SLC30A10: variants seen among roughly 807,000 people sequenced by gnomAD.
SLC30A10 encodes the protein calcium/manganese antiporter SLC30A10.
SLC30A10 carries 8 observed loss-of-function variants against 21.7 expected under a neutral mutation model. That is an observed-to-expected ratio of 0.37 (90% CI 0.22 to 0.67). The LOEUF is 0.67. SLC30A10 is among the 30% of genes least tolerant of loss of function. SLC30A10 has a pLI of 0.58. For synonymous variants in SLC30A10, 272 were observed against 279.4 expected, an observed-to-expected ratio of 0.97 and a Z score of 0.26; for missense variants, 521 against 642.5, an observed-to-expected ratio of 0.81 and a Z score of 2.04.
intron 1 of SLC30A10, among the ~76,000 whole-genome samples, chr1:219,947,181 C>T (rs937943183): frequency 2.6e-5 from 4 of 152,268 alleles, no homozygotes; most frequent in South Asian, 2.1e-4. Flanking sequence ...TAAGCTGATA[C>T]ATTTTTAAAG....
At chr1:219,940,929 G>T (rs551205791) in intron 1 of SLC30A10, among the ~76,000 whole-genome samples, 40 of 152,238 alleles carry the variant, frequency 2.6e-4, no homozygotes, top group African/African-American at 9.4e-4. Flanking sequence ...ATAAAACCCT[G>T]ACTTCATTTC....
At chr1:219,922,687 G>A (rs1291211041) in intron 2 of SLC30A10, among the ~76,000 whole-genome samples, 1 of 152,140 alleles carries the variant, frequency 6.6e-6, no homozygotes. Context: ...CTCCCTCAGA[G>A]GCTAGTTCTG....
rs767055908 is a variant in SLC30A10, at chr1:219,928,026, C to A, written c.415G>T (p.Ala139Ser). Residue 139 changes from alanine to serine, a missense_variant, in exon 1 of 4, where the codon GCC becomes TCC. Coordinates refer to ENST00000366926, the MANE Select transcript of SLC30A10 (RefSeq NM_018713.3). This position sits in a 1 kb window ranked among gnomAD's most constrained non-coding sequence, Gnocchi z 6.3. The part of the protein sequence containing the change: ...VGLLIFQDCA[A>S]WFACCLRGRS... ...CCCCGGAGGCAGCACGCGAACCAGGCGGCGCAGTCCTGGAAGATGAGCAGC... is the reference window on the plus strand; with the variant it reads ...CCCCGGAGGCAGCACGCGAACCAGGAGGCGCAGTCCTGGAAGATGAGCAGC... The A allele has an allele frequency of 1.7e-5, 27 of 1,576,896 alleles. No homozygotes were observed. The highest frequency in any genetic ancestry group is 1.2e-4 in the South Asian group (10 of 85,864).
At chr1:219,951,270 T>G (rs891839977) in intron 1 of SLC30A10, among the ~76,000 whole-genome samples, 1 of 151,204 alleles carries the variant, frequency 6.6e-6, no homozygotes, top group African/African-American at 2.4e-5. Context: ...TGTAGAGTGA[T>G]TCTTTAAAAT....
chr1:219,920,822 C>A (rs1045081158), intron 2 of SLC30A10, among the ~76,000 whole-genome samples: 2 of 152,190 alleles, frequency 1.3e-5, no homozygotes, highest in Non-Finnish European at 2.9e-5. Context: ...TGACAGGCAG[C>A]TGTAAGCTGT....
chr1:219,946,170 T>C (rs764706579), intron 1 of SLC30A10, among the ~76,000 whole-genome samples: 1 of 152,250 alleles, frequency 6.6e-6, no homozygotes, highest in African/African-American at 2.4e-5. Flanking sequence ...CATTTTTATA[T>C]TGCTGACATT....
At chr1:219,921,340 A>T (rs1659670996) in intron 2 of SLC30A10, among the ~76,000 whole-genome samples, 1 of 152,200 alleles carries the variant, frequency 6.6e-6, no homozygotes, top group South Asian at 2.1e-4. Flanking sequence ...TGAGGCACAG[A>T]ATACATAAGT....
intron 3 of SLC30A10, 148 bp from the exon 4 acceptor site, chr1:219,916,096 T>G: frequency 1.1e-6 from 1 of 932,524 alleles, no homozygotes; most frequent in South Asian, 1.7e-5. Context: ...TCTACCTCTG[T>G]GGGTACATTT....
intron 2 of SLC30A10, among the ~76,000 whole-genome samples, chr1:219,922,176 GTTTTTTTTTTTTTTTTTTTTTTTTTTT>G (rs869249213): frequency 3.0e-4 from 11 of 36,446 alleles, no homozygotes; most frequent in East Asian, 1.4e-3. Context: ...GTGTGTGTGT[GTTTTTTTTTTTTTTTTTTTTTTTTTTT>G]TTTTTTTTTT....
chr1:219,946,940 A>G (rs183721225), intron 1 of SLC30A10, among the ~76,000 whole-genome samples: 1 of 152,164 alleles, frequency 6.6e-6, no homozygotes, highest in Non-Finnish European at 1.5e-5. Context: ...AAGTCCCAAC[A>G]ATGTGCTCAA....
At chr1:219,931,997 C>T (rs1659975749), upstream of SLC30A10, among the ~76,000 whole-genome samples, 1 of 151,992 alleles carries the variant, frequency 6.6e-6, no homozygotes, top group Non-Finnish European at 1.5e-5. Flanking sequence ...TAGATTTGAG[C>T]TCTGAACTAG....
chr1:219,920,445 T>C (rs143060832), intron 2 of SLC30A10, among the ~76,000 whole-genome samples: 2 of 152,320 alleles, frequency 1.3e-5, no homozygotes, highest in African/African-American at 4.8e-5. Flanking sequence ...ATTCTCTGAT[T>C]GTCTCATACA....
intron 1 of SLC30A10, among the ~76,000 whole-genome samples, chr1:219,949,402 G>A (rs886936263): frequency 5.3e-5 from 8 of 152,162 alleles, no homozygotes; most frequent in African/African-American, 1.2e-4. Flanking sequence ...TGTGGCACAT[G>A]TACACCATGG....
At chr1:219,925,679 A>G (rs1437148876) in intron 2 of SLC30A10, among the ~76,000 whole-genome samples, 1 of 54,558 alleles carries the variant, frequency 1.8e-5, no homozygotes, top group African/African-American at 8.6e-5. Context: ...TTTTTGAGAC[A>G]GAATCTAGCT....
chr1:219,921,204 C>T (rs576910226), intron 2 of SLC30A10, among the ~76,000 whole-genome samples: 7 of 152,338 alleles, frequency 4.6e-5, no homozygotes, highest in Admixed American at 1.3e-4. Context: ...ATCCCCATTT[C>T]TCTGGAGTGA....
At chr1:219,945,997 G>T (rs1369615163) in intron 1 of SLC30A10, among the ~76,000 whole-genome samples, 1 of 152,154 alleles carries the variant, frequency 6.6e-6, no homozygotes, top group Non-Finnish European at 1.5e-5. Flanking sequence ...AAGCTTGGGG[G>T]TTTTGTGGTT....
chr1:219,939,347 T>C (rs934793451), intron 1 of SLC30A10, among the ~76,000 whole-genome samples: 3 of 152,164 alleles, frequency 2.0e-5, no homozygotes, highest in African/African-American at 7.2e-5. Context: ...ATAAATGCAA[T>C]TGGGGAATAC....
chr1:219,950,263 G>C (rs1328295310), intron 1 of SLC30A10, among the ~76,000 whole-genome samples: 1 of 152,212 alleles, frequency 6.6e-6, no homozygotes, highest in Non-Finnish European at 1.5e-5. Flanking sequence ...AAAATATGTA[G>C]TTTTAAAAGT....
chr1:219,938,805 C>G (rs2889877), intron 1 of SLC30A10, among the ~76,000 whole-genome samples: 2,853 of 152,248 alleles, frequency 0.019, 88 homozygotes, highest in African/African-American at 0.062. Context: ...TGAGTATCTA[C>G]AGGCCAAAGT....
Sources: gnomAD v4.1 joint callset for allele counts (sites outside exome capture counted in the v4.1 genomes callset) on GRCh38, gnomAD v4.1.1 for gene constraint, Gnocchi (gnomAD v3.1) non-coding constraint, MANE v1.5 for transcripts, NCBI Gene and HGNC (gene_info 2026-07-23, HGNC 2026-07-21) for gene names.